The following OTUD7A variants were observed in gnomAD, a reference collection of about 807,000 sequenced individuals.
The protein encoded by OTUD7A is OTU domain-containing protein 7A.
In OTUD7A, 12 loss-of-function variants were observed where a neutral mutation model predicts 65.7. That is an observed-to-expected ratio of 0.18 (90% CI 0.12 to 0.30). The LOEUF (loss-of-function observed/expected upper bound fraction) is 0.30, where lower values mean the gene tolerates loss of function less well. Among genes scored for constraint, OTUD7A ranks in the 10% least tolerant of loss-of-function variants. OTUD7A has a pLI of 1.00. For missense variants in OTUD7A, 1,148 were observed against 1,304.8 expected (o/e 0.88, Z 1.85); for synonymous variants, 641 against 586.3 (o/e 1.09, Z -1.35).
intron 1 of OTUD7A, among the ~76,000 whole-genome samples, chr15:31,753,686 GATATATATATATATATT>G (rs1406092017): frequency 1.9e-5 from 1 of 52,820 alleles, no homozygotes; most frequent in Non-Finnish European, 3.4e-5. Context: ...TAACCTGTGA[GATATATATATATATATT>G]ATATATATAT....
At chr15:31,803,341 T>C (rs978614269) in intron 1 of OTUD7A, among the ~76,000 whole-genome samples, 2 of 152,222 alleles carry the variant, frequency 1.3e-5, no homozygotes, top group African/African-American at 4.8e-5. Flanking sequence ...AATATCATCT[T>C]TCCCTTCATT....
chr15:31,770,385 C>T (rs1305411726), intron 1 of OTUD7A, among the ~76,000 whole-genome samples: 1 of 152,138 alleles, frequency 6.6e-6, no homozygotes, highest in Non-Finnish European at 1.5e-5. Context: ...AGTAGAAAAT[C>T]TGAATAAATC....
intron 1 of OTUD7A, among the ~76,000 whole-genome samples, chr15:31,860,333 T>A (rs1189978810): frequency 1.3e-5 from 2 of 152,152 alleles, no homozygotes; most frequent in Admixed American, 6.5e-5. Context: ...AAATTTTATA[T>A]AAGCAACTTT....
intron 3 of OTUD7A, among the ~76,000 whole-genome samples, chr15:31,610,621 T>TTTTTA (rs1890387223): frequency 2.6e-5 from 2 of 75,582 alleles, no homozygotes; most frequent in East Asian, 9.7e-4. Context: ...ATATATATTT[T>TTTTTA]TTTTTTTTTT....
In OTUD7A at chr15:31,478,372, C is replaced by T. The variant is rs377345066; in HGVS notation, c.*4922G>A. 5 of 152,110 alleles carry T rather than the reference C, an allele frequency of 3.3e-5. No individual in the cohort carries two copies. In the East Asian group the frequency reaches 5.8e-4, roughly 18 times the overall value. 9.4% of individuals were successfully genotyped at this position (152,110 alleles called of 1,614,324 possible). A position where few individuals can be genotyped will look rare whatever the true frequency, so the allele number is the denominator to read the frequency against. On this transcript the variant is annotated 3_prime_UTR_variant, in exon 13 of 13. Coordinates refer to ENST00000307050, the MANE Select transcript of OTUD7A (RefSeq NM_001382637.1). Reference sequence around the variant, plus strand: ...TGTATATATATATCCTTGATATGCTCTTTGGGAGGAATAAAAAGATGCAAG... The same window carrying T: ...TGTATATATATATCCTTGATATGCTTTTTGGGAGGAATAAAAAGATGCAAG...
intron 1 of OTUD7A, among the ~76,000 whole-genome samples, chr15:31,713,933 T>G (rs930538238): frequency 1.4e-5 from 2 of 138,716 alleles, no homozygotes; most frequent in African/African-American, 2.5e-5. Context: ...AAAATGAAAA[T>G]TAGATACCCA....
At chr15:31,532,034 A>AC (rs1394957972) in intron 5 of OTUD7A, among the ~76,000 whole-genome samples, 1 of 152,200 alleles carries the variant, frequency 6.6e-6, no homozygotes, top group Non-Finnish European at 1.5e-5. Context: ...CCCTGAACCT[A>AC]CCAGAGTGGT....
chr15:31,826,045 C>T (rs2140977759), intron 1 of OTUD7A, among the ~76,000 whole-genome samples: 1 of 152,328 alleles, frequency 6.6e-6, no homozygotes, highest in South Asian at 2.1e-4. Flanking sequence ...TCTGTGGTTT[C>T]TCCAGGCCCA....
Position 31,503,700 on chromosome 15 carries a change from C to A in OTUD7A, c.1012G>T (p.Gly338Cys). 6.2e-7 allele frequency: 1 copy of A among 1,614,220 alleles called. No individual in the cohort carries two copies. The highest frequency in any genetic ancestry group is 8.5e-7 in the Non-Finnish European group (1 of 1,180,048). ...VVADTMLRDS[G>C]GEAFAPIPFG... ...TCTTTGAGGAACTTACCTTCTCCACCTGAGTCTCTTAACATTGTATCTGCC... is the reference window on the plus strand; with the variant it reads ...TCTTTGAGGAACTTACCTTCTCCACATGAGTCTCTTAACATTGTATCTGCC... The change falls in exon 9 of 13, where the codon GGT becomes TGT. Residue 338 changes from glycine to cysteine, a missense_variant. Gly to Cys is a radical substitution (Grantham distance 159). Around this residue, in one of 6 missense-constraint regions of OTUD7A, gnomAD observed 58 missense variants for 131.4 expected, o/e 0.44. Coordinates refer to ENST00000307050, the MANE Select transcript of OTUD7A (RefSeq NM_001382637.1).
intron 1 of OTUD7A, among the ~76,000 whole-genome samples, chr15:31,797,143 G>GGCA (rs1895984774): frequency 1.3e-5 from 2 of 152,200 alleles, no homozygotes; most frequent in Admixed American, 6.5e-5. Flanking sequence ...AGTGGATGAT[G>GGCA]GCACCTCGCT....
chr15:31,710,938 C>T (rs937902986), intron 1 of OTUD7A, among the ~76,000 whole-genome samples: 13 of 152,028 alleles, frequency 8.6e-5, no homozygotes, highest in African/African-American at 2.7e-4. Context: ...CATGGCCGTG[C>T]GGCTGGGTGA....
At chr15:31,592,938 T>C (rs1471035115) in intron 3 of OTUD7A, among the ~76,000 whole-genome samples, 20 of 93,398 alleles carry the variant, frequency 2.1e-4, no homozygotes, top group Non-Finnish European at 3.2e-4. Context: ...TATATATATG[T>C]ATATATACAC....
At position 31,511,112 on chromosome 15, in the gene OTUD7A, AACATACATATGTAT is replaced by A; in HGVS notation, c.894-7308_894-7295del. Among the ~76,000 whole-genome samples the A allele has an allele frequency of 8.0e-5, 3 of 37,560 alleles. 1 individual carries two copies. In the South Asian group the frequency reaches 1.6e-3, roughly 21 times the overall value. 24.6% of individuals were successfully genotyped at this position (37,560 alleles called of 152,430 possible). A position where few individuals can be genotyped will look rare whatever the true frequency, so the allele number is the denominator to read the frequency against. On this transcript the variant is annotated intron_variant, in intron 8 of 12. Transcript: ENST00000307050. Reference sequence around the variant, plus strand: ...AACATACATATGTATATCTATATGTAACATACATATGTATATCTATATGTAACATACATATGTAT... The same window carrying A: ...AACATACATATGTATATCTATATGTAATCTATATGTAACATACATATGTAT...
intron 1 of OTUD7A, 130 bp downstream of exon 1, chr15:31,870,377 A>G (rs1400691147): frequency 6.9e-6 from 1 of 144,902 alleles, no homozygotes; most frequent in African/African-American, 2.5e-5. Flanking sequence ...CCCGGCCTCA[A>G]CGCCCACCTG....
intron 3 of OTUD7A, among the ~76,000 whole-genome samples, chr15:31,635,484 C>T (rs939703391): frequency 3.9e-5 from 6 of 152,176 alleles, no homozygotes; most frequent in Non-Finnish European, 7.3e-5. Flanking sequence ...CCAATGGAAC[C>T]AGGCGGGGAG....
intron 3 of OTUD7A, among the ~76,000 whole-genome samples, chr15:31,570,773 G>C (rs958400084): frequency 1.3e-5 from 2 of 152,074 alleles, no homozygotes; most frequent in African/African-American, 4.8e-5. Flanking sequence ...GCCCAGCGTG[G>C]GTACGCACTC....
chr15:31,633,052 C>T (rs1431771855), intron 3 of OTUD7A, among the ~76,000 whole-genome samples: 1 of 152,208 alleles, frequency 6.6e-6, no homozygotes, highest in Non-Finnish European at 1.5e-5. Context: ...AAAGGGAATT[C>T]CCTGACCCCT....
chr15:31,739,065 A>G (rs1190015232), intron 1 of OTUD7A, among the ~76,000 whole-genome samples: 1 of 152,172 alleles, frequency 6.6e-6, no homozygotes, highest in Non-Finnish European at 1.5e-5. Context: ...TCTGGGGAGC[A>G]GCCCAGACTT....
intron 1 of OTUD7A, among the ~76,000 whole-genome samples, chr15:31,815,004 T>G (rs1896511381): frequency 6.6e-6 from 1 of 152,180 alleles, no homozygotes. Context: ...ACATTGTCCC[T>G]GCCATGTTCC....
Sources: gnomAD v4.1 joint callset for allele counts (sites outside exome capture counted in the v4.1 genomes callset) on GRCh38, gnomAD v4.1.1 for gene constraint, gnomAD v4.1.1 regional missense constraint, MANE v1.5 for transcripts, NCBI Gene and HGNC (gene_info 2026-07-23, HGNC 2026-07-21) for gene names.